The following RUNDC3B variants were observed in gnomAD, a reference collection of about 807,000 sequenced individuals.
The protein encoded by RUNDC3B is RUN domain-containing protein 3B.
In RUNDC3B, 33 loss-of-function variants were observed where a neutral mutation model predicts 58.4. That is an observed-to-expected ratio of 0.56 (90% confidence interval 0.43 to 0.75). The LOEUF is 0.75. RUNDC3B is among the 30% of genes least tolerant of loss of function. RUNDC3B has a pLI of 0.00. For missense variants in RUNDC3B, 501 were observed against 535.7 expected (o/e 0.94, Z 0.64); for synonymous variants, 193 against 195.2 (o/e 0.99, Z 0.10).
At chr7:87,808,074 A>G (rs1836531166) in intron 9 of RUNDC3B, among the ~76,000 whole-genome samples, 1 of 152,040 alleles carries the variant, frequency 6.6e-6, no homozygotes, top group Non-Finnish European at 1.5e-5. Flanking sequence ...CCTTTAGGTA[A>G]TCTTCATCTT....
intron 4 of RUNDC3B, among the ~76,000 whole-genome samples, chr7:87,739,023 A>G (rs1014669922): frequency 2.6e-5 from 4 of 151,938 alleles, no homozygotes; most frequent in African/African-American, 9.6e-5. Context: ...GATATAAACT[A>G]GATTTTACAT....
intron 2 of RUNDC3B, among the ~76,000 whole-genome samples, chr7:87,663,529 T>C (rs1055999640): frequency 1.3e-5 from 2 of 152,182 alleles, no homozygotes; most frequent in East Asian, 1.9e-4. Context: ...AAACTTCCAT[T>C]ATTTTTCTAC....
intron 5 of RUNDC3B, among the ~76,000 whole-genome samples, chr7:87,741,086 T>G (rs561755222): frequency 6.6e-6 from 1 of 151,758 alleles, no homozygotes; most frequent in African/African-American, 2.4e-5. Flanking sequence ...GTGCCTGTAA[T>G]CCCAGCTACC....
At chr7:87,715,504 A>G (rs905750331) in intron 4 of RUNDC3B, among the ~76,000 whole-genome samples, 10 of 132,514 alleles carry the variant, frequency 7.5e-5, no homozygotes, top group African/African-American at 2.6e-4. Flanking sequence ...TAATTATATT[A>G]TATATAATTA....
At chr7:87,637,343 G>C (rs1821882829) in intron 1 of RUNDC3B, among the ~76,000 whole-genome samples, 1 of 152,126 alleles carries the variant, frequency 6.6e-6, no homozygotes, top group South Asian at 2.1e-4. Context: ...ATTATGTCTT[G>C]ATGTGTGGTA....
intron 1 of RUNDC3B, among the ~76,000 whole-genome samples, chr7:87,639,172 A>AC (rs1211130475): frequency 6.6e-6 from 1 of 151,784 alleles, no homozygotes; most frequent in East Asian, 1.9e-4. Flanking sequence ...AAAAAAAAAA[A>AC]AAAATCTATT....
intron 8 of RUNDC3B, among the ~76,000 whole-genome samples, chr7:87,806,514 C>T (rs577988602): frequency 3.3e-5 from 5 of 152,066 alleles, no homozygotes; most frequent in African/African-American, 1.2e-4. Context: ...TACTTTAAGG[C>T]CTTTTATAGG....
At chr7:87,727,324 C>T (rs930718260) in intron 4 of RUNDC3B, among the ~76,000 whole-genome samples, 21 of 152,092 alleles carry the variant, frequency 1.4e-4, no homozygotes, top group African/African-American at 4.3e-4. Context: ...CGTAATCCAG[C>T]ATATTAACAG....
chr7:87,691,515 T>C (rs938240525), intron 2 of RUNDC3B, among the ~76,000 whole-genome samples: 2 of 152,200 alleles, frequency 1.3e-5, no homozygotes, highest in African/African-American at 2.4e-5. Flanking sequence ...TTTCACTTTC[T>C]TTTAACATTA....
Position 87,806,944 on chromosome 7 carries a change from T to C in RUNDC3B, c.957-429T>C, listed in dbSNP as rs979380800. On this transcript the variant is annotated intron_variant, in intron 8 of 10. Coordinates refer to ENST00000394654, the MANE Select transcript of RUNDC3B (RefSeq NM_001134405.2). ...TTTTTCATTTTAATCACTTTTCCTT[T>C]ACTTGAATTAAAATACTTTAATAGA... Among the ~76,000 whole-genome samples, 5 of 152,152 alleles carry C rather than the reference T, an allele frequency of 3.3e-5. No individual in the cohort carries two copies. In the East Asian group the frequency reaches 9.6e-4, roughly 29 times the overall value.
At chr7:87,739,735 G>C in intron 4 of RUNDC3B, 56 bp from the exon 5 acceptor site, 1 of 786,702 alleles carries the variant, frequency 1.3e-6, no homozygotes, top group Non-Finnish European at 2.1e-6. Flanking sequence ...GATTTCTCTC[G>C]ATCAAACTTC....
chr7:87,725,852 C>A (rs1334447118), intron 4 of RUNDC3B, among the ~76,000 whole-genome samples: 4 of 152,158 alleles, frequency 2.6e-5, no homozygotes, highest in African/African-American at 9.7e-5. Context: ...TGATGATGAG[C>A]ATTTTTTCAT....
At chr7:87,749,557 A>T (rs1832841006) in intron 6 of RUNDC3B, among the ~76,000 whole-genome samples, 1 of 152,176 alleles carries the variant, frequency 6.6e-6, no homozygotes, top group African/African-American at 2.4e-5. Context: ...ATTGTCATAA[A>T]GAACCAATAC....
intron 6 of RUNDC3B, among the ~76,000 whole-genome samples, chr7:87,758,717 A>G (rs1055941875): frequency 6.6e-6 from 1 of 152,238 alleles, no homozygotes; most frequent in African/African-American, 2.4e-5. Context: ...GTTAACAGGT[A>G]CGTGAAAAAG....
intron 2 of RUNDC3B, among the ~76,000 whole-genome samples, chr7:87,688,920 G>A (rs1047661377): frequency 2.0e-5 from 3 of 151,828 alleles, no homozygotes; most frequent in African/African-American, 7.3e-5. Flanking sequence ...AACCAAACTA[G>A]AATTTTCAAG....
chr7:87,723,057 C>G (rs1194432733), intron 4 of RUNDC3B, among the ~76,000 whole-genome samples: 2 of 151,740 alleles, frequency 1.3e-5, no homozygotes, highest in Non-Finnish European at 2.9e-5. Flanking sequence ...TTCCTTTTAA[C>G]AAGAAAAATA....
Position 87,759,793 on chromosome 7 carries a change from C to CAA in RUNDC3B, c.630-10775_630-10774dup, listed in dbSNP as rs543619186. Among the ~76,000 whole-genome samples, 9 of 125,572 alleles carry CAA rather than the reference C, an allele frequency of 7.2e-5. No homozygotes were observed. In the East Asian group the frequency reaches 1.1e-3, roughly 16 times the overall value. The allele number at this position is 125,572 out of a possible 152,430, so 82.4% of individuals were successfully genotyped here. A position where few individuals can be genotyped will look rare whatever the true frequency, so the allele number is the denominator to read the frequency against. Reference sequence around the variant, plus strand: ...TGGGAAACAGAGTGAGATCCTGTATCAAAAAAAAAAAAAAGTCCTTGAGGT... The same window carrying CAA: ...TGGGAAACAGAGTGAGATCCTGTATCAAAAAAAAAAAAAAAAGTCCTTGAGGT... On this transcript the variant is annotated intron_variant, in intron 6 of 10. Coordinates refer to ENST00000394654, the MANE Select transcript of RUNDC3B (RefSeq NM_001134405.2).
intron 6 of RUNDC3B, among the ~76,000 whole-genome samples, chr7:87,746,746 G>C (rs1211188590): frequency 1.3e-5 from 2 of 152,128 alleles, no homozygotes; most frequent in Admixed American, 1.3e-4. Context: ...AAGATGGTTG[G>C]TGAGTTCTTA....
At chr7:87,828,780 GTTCT>G (rs1405406900) in intron 10 of RUNDC3B, among the ~76,000 whole-genome samples, 3 of 152,180 alleles carry the variant, frequency 2.0e-5, no homozygotes, top group Non-Finnish European at 4.4e-5. Flanking sequence ...TCTGTTTTAA[GTTCT>G]TTGAGAAATC....
Sources: gnomAD v4.1 joint callset for allele counts (sites outside exome capture counted in the v4.1 genomes callset) on GRCh38, gnomAD v4.1.1 for gene constraint, MANE v1.5 for transcripts, NCBI Gene and HGNC (gene_info 2026-07-23, HGNC 2026-07-21) for gene names.